The following TMIE variants were observed in gnomAD, a reference collection of about 807,000 sequenced individuals.
TMIE encodes transmembrane inner ear.
A neutral mutation model predicts 16.8 loss-of-function variants in TMIE; 14 were observed. The observed-to-expected ratio is 0.83, with a 90% CI of 0.55 to 1.30. TMIE has a LOEUF of 1.30. Among genes scored for constraint, TMIE ranks in the 50% most tolerant of loss-of-function variants. TMIE has a pLI of 0.00. For missense variants in TMIE, 204 were observed against 205.9 expected (o/e 0.99, Z 0.06); for synonymous variants, 75 against 87.2 (o/e 0.86, Z 0.78).
chr3:46,703,729 C>T (rs1700506778), intron 1 of TMIE, among the ~76,000 whole-genome samples: 1 of 152,192 alleles, frequency 6.6e-6, no homozygotes, highest in South Asian at 2.1e-4. Flanking sequence ...GTTGCTGATC[C>T]TCTCTTGAGT....
chr3:46,708,001 G>A lies in TMIE; in HGVS notation c.212-1125G>A, dbSNP rs562331810. ...TGCTCAGGTCCACCCCTGGACAGTC[G>A]GATCTATAGCTGGGGCCCTTGTGCA... On this transcript the variant is annotated intron_variant, in intron 2 of 3. Transcript: ENST00000643606. 2.0e-5 allele frequency among the ~76,000 whole-genome samples: 3 copies of A among 152,298 alleles called. No individual in the cohort carries two copies. The Middle Eastern group carries it at 0.01, about 518-fold the overall frequency.
Position 46,710,799 on chromosome 3 carries a change from T to A in TMIE, c.*1111T>A, listed in dbSNP as rs1700611805. ...AAACCTAGGCCTGAACACTAAGGTC[T>A]CGAGACACCAGAGGTTTCTGAGCCA... On this transcript the variant is annotated 3_prime_UTR_variant, in exon 4 of 4. Coordinates refer to ENST00000643606, the MANE Select transcript of TMIE (RefSeq NM_147196.3). 1 of 152,162 alleles carries A rather than the reference T, an allele frequency of 6.6e-6. No homozygotes were observed. Among genetic ancestry groups the A allele is most frequent in the East Asian group, 1.9e-4 (1 of 5,190 alleles). 9.4% of individuals were successfully genotyped at this position (152,162 alleles called of 1,614,324 possible).
intron 3 of TMIE, 108 bp downstream of exon 3, chr3:46,709,383 C>T: frequency 6.3e-7 from 1 of 1,598,926 alleles, no homozygotes; most frequent in Non-Finnish European, 8.6e-7. Flanking sequence ...AGGGAGGGGC[C>T]CCAGCCCTGC....
chr3:46,701,456 C>A lies in TMIE; in HGVS notation c.-32C>A. Reference sequence around the variant, plus strand: ...TGACCGGCGGCCGGCCCGTTCGTCCCTGGGCTCCGCAAGCGGCGCGGTGGC... The same window carrying A: ...TGACCGGCGGCCGGCCCGTTCGTCCATGGGCTCCGCAAGCGGCGCGGTGGC... On this transcript the variant is annotated 5_prime_UTR_variant, in exon 1 of 4. The change creates a new upstream start codon in the 5' untranslated region. Coordinates refer to ENST00000643606, the MANE Select transcript of TMIE (RefSeq NM_147196.3). This position sits in a 1 kb window ranked among gnomAD's most constrained non-coding sequence, Gnocchi z 4.3. 7.2e-7 allele frequency: 1 copy of A among 1,392,770 alleles called. No individual in the cohort carries two copies. Among genetic ancestry groups the A allele is most frequent in the Non-Finnish European group, 9.3e-7 (1 of 1,074,544 alleles). 86.3% of individuals were successfully genotyped at this position (1,392,770 alleles called of 1,614,324 possible).
At chr3:46,704,211 C>G (rs1310096674) in intron 1 of TMIE, among the ~76,000 whole-genome samples, 1 of 149,444 alleles carries the variant, frequency 6.7e-6, no homozygotes, top group Non-Finnish European at 1.5e-5. Context: ...GAAGCATATC[C>G]CCTAGACACC....
At chr3:46,705,531 C>T (rs1458096915) in intron 1 of TMIE, among the ~76,000 whole-genome samples, 1 of 152,222 alleles carries the variant, frequency 6.6e-6, no homozygotes, top group Non-Finnish European at 1.5e-5. Flanking sequence ...GACAAGCCAT[C>T]CACATTTGCT....
At chr3:46,705,729 C>G (rs1051025854) in intron 1 of TMIE, 61 bp from the exon 2 acceptor site, 1 of 1,478,268 alleles carries the variant, frequency 6.8e-7, no homozygotes, top group African/African-American at 1.4e-5. Context: ...CTGGGCCCTT[C>G]TCAGCTGGTT....
In TMIE at chr3:46,705,820, C is replaced by T. The variant is rs1700544457; in HGVS notation, c.124C>T (p.Pro42Ser). ...CACGGCCCCACCCAAGCCCAAGCCG[C>T]CTCCGCTGACCAAGGAGACAGTGGT... ...PSTAPPKPKPPPLTKETVVFW... is the reference protein window; with the variant it reads ...PSTAPPKPKPSPLTKETVVFW... Residue 42 changes from proline (P) to serine (S), a missense_variant, in exon 2 of 4, where the codon CCT becomes TCT. By Grantham distance (74) the Pro-to-Ser change is moderately conservative (BLOSUM62 -1). Transcript: ENST00000643606. The T allele has an allele frequency of 6.2e-7, 1 of 1,614,138 alleles. No individual in the cohort carries two copies. Among genetic ancestry groups the T allele is most frequent in the South Asian group, 1.1e-5 (1 of 91,086 alleles).
At chr3:46,694,951 G>A (rs1700370461) in intron 1 of TMIE, among the ~76,000 whole-genome samples, 2 of 152,144 alleles carry the variant, frequency 1.3e-5, no homozygotes, top group Admixed American at 1.3e-4. Context: ...ACTCCCAAAG[G>A]CCTTGCTCCT....
chr3:46,703,643 AC>A (rs1323988102), intron 1 of TMIE, among the ~76,000 whole-genome samples: 1 of 152,068 alleles, frequency 6.6e-6, no homozygotes, highest in Non-Finnish European at 1.5e-5. Flanking sequence ...TCAATAGCTC[AC>A]CCTGGCAGGG....
chr3:46,698,829 C>CT (rs1374372250), upstream of TMIE, among the ~76,000 whole-genome samples: 4 of 151,840 alleles, frequency 2.6e-5, no homozygotes, highest in East Asian at 7.7e-4. Context: ...TTTTTCTTTT[C>CT]TTTTCTTTTT....
chr3:46,696,491 G>A (rs1700412717), upstream of TMIE, among the ~76,000 whole-genome samples: 1 of 152,156 alleles, frequency 6.6e-6, no homozygotes, highest in African/African-American at 2.4e-5. Flanking sequence ...ATGAGGTCAG[G>A]GACAGCCAAC....
chr3:46,702,616 G>C (rs1700490830), intron 1 of TMIE, among the ~76,000 whole-genome samples: 1 of 152,172 alleles, frequency 6.6e-6, no homozygotes, highest in Non-Finnish European at 1.5e-5. Flanking sequence ...AAGAGGCAGT[G>C]AGAGGTGCCC....
Position 46,709,136 on chromosome 3 carries a change from G to A in TMIE, c.222G>A (p.Leu74=), listed in dbSNP as rs1312245565. 1.2e-6 allele frequency: 2 copies of A among 1,614,004 alleles called. No homozygotes were observed. The change falls in exon 3 of 4, where the codon CTG becomes CTA. Residue 74 remains leucine (L), a synonymous_variant. Transcript: ENST00000643606. ...CTGTCCTCCCTACAGTCATCACGCT[G>A]TGCTGTGTCTTCAACTGTCGTGTGC... is the stretch of plus-strand genomic sequence containing the variant. ...SLFVLSIIIT[L]CCVFNCRVPR...
chr3:46,701,659 A>C lies in TMIE; in HGVS notation c.93+79A>C. ...CTGGGGGAGAGGGGACGCCTTTTTG[A>C]TCCGGAGCTTGTTTGATCCCTTACT... is the stretch of plus-strand genomic sequence containing the variant. On this transcript the variant is annotated intron_variant, in intron 1 of 3. Transcript: ENST00000643606. This position sits in a 1 kb window ranked among gnomAD's most constrained non-coding sequence, Gnocchi z 4.3. The C allele has an allele frequency of 8.9e-7, 1 of 1,125,698 alleles. No homozygotes were observed. Among genetic ancestry groups the C allele is most frequent in the Non-Finnish European group, 1.1e-6 (1 of 881,982 alleles). 69.7% of individuals were successfully genotyped at this position (1,125,698 alleles called of 1,614,324 possible).
chr3:46,698,031 T>C (rs1559494441), upstream of TMIE, among the ~76,000 whole-genome samples: 1 of 151,678 alleles, frequency 6.6e-6, no homozygotes, highest in Non-Finnish European at 1.5e-5. Flanking sequence ...TCCAACAAGG[T>C]TTTTTGTTTC....
In TMIE at chr3:46,709,829, A is replaced by C; in HGVS notation, c.*141A>C. On this transcript the variant is annotated 3_prime_UTR_variant, in exon 4 of 4. Coordinates refer to ENST00000643606, the MANE Select transcript of TMIE (RefSeq NM_147196.3). ...AGCTGAGGCCCATGGCCACATCCTC[A>C]TGGCCCATCAGGGGCAGGAACCAGA... The C allele has an allele frequency of 8.6e-6, 13 of 1,516,006 alleles. No homozygotes were observed. Among genetic ancestry groups the C allele is most frequent in the Non-Finnish European group, 1.2e-5 (13 of 1,118,030 alleles). 93.9% of individuals were successfully genotyped at this position (1,516,006 alleles called of 1,614,324 possible).
chr3:46,700,215 G>T (rs1411063083), upstream of TMIE, among the ~76,000 whole-genome samples: 1 of 152,200 alleles, frequency 6.6e-6, no homozygotes, highest in African/African-American at 2.4e-5. Flanking sequence ...TTCCTCGATG[G>T]GTCTCCTGGG....
upstream of TMIE, among the ~76,000 whole-genome samples, chr3:46,697,727 A>T (rs1287338566): frequency 2.0e-5 from 3 of 152,020 alleles, no homozygotes; most frequent in Non-Finnish European, 4.4e-5. Flanking sequence ...AGTCTTGGGA[A>T]CTGAGGCCTC....
Sources: allele counts gnomAD v4.1 joint callset (sites outside exome capture counted in the v4.1 genomes callset), GRCh38; gene constraint gnomAD v4.1.1; non-coding constraint Gnocchi (gnomAD v3.1); transcripts MANE v1.5; gene names NCBI Gene and HGNC (gene_info 2026-07-23, HGNC 2026-07-21).